The following TAOK3 variants were observed in gnomAD, a reference collection of about 807,000 sequenced individuals.
TAOK3 encodes the protein TAO kinase 3.
In TAOK3, 40 loss-of-function variants were observed where a neutral mutation model predicts 120.4. The observed-to-expected ratio is 0.33, with a 90% confidence interval of 0.26 to 0.43. The LOEUF (loss-of-function observed/expected upper bound fraction) is 0.43. TAOK3 is among the 20% of genes least tolerant of loss of function. The pLI, the probability that TAOK3 is intolerant of heterozygous loss-of-function variation, is 1.00. For missense variants in TAOK3, 821 were observed against 1,112.1 expected (o/e 0.74, Z 3.72); for synonymous variants, 355 against 387.5 (o/e 0.92, Z 0.99).
At chr12:118,208,553 A>G (rs2038455021) in intron 11 of TAOK3, among the ~76,000 whole-genome samples, 1 of 152,208 alleles carries the variant, frequency 6.6e-6, no homozygotes, top group Non-Finnish European at 1.5e-5. Flanking sequence ...AAAAGTTTTC[A>G]CTGATCTGAC....
chr12:118,363,477 G>A (rs957567092), intron 1 of TAOK3, among the ~76,000 whole-genome samples: 2 of 152,086 alleles, frequency 1.3e-5, no homozygotes, highest in Admixed American at 6.6e-5. Context: ...GATAAGATAA[G>A]TACAAATCCT....
At chr12:118,185,103 G>C (rs1464865462) in intron 14 of TAOK3, among the ~76,000 whole-genome samples, 1 of 146,522 alleles carries the variant, frequency 6.8e-6, no homozygotes, top group Admixed American at 6.8e-5. Context: ...GCACATTTAA[G>C]GAAAAAAAAA....
At chr12:118,287,740 C>A (rs1162424833) in intron 1 of TAOK3, among the ~76,000 whole-genome samples, 1 of 152,128 alleles carries the variant, frequency 6.6e-6, no homozygotes, top group African/African-American at 2.4e-5. Context: ...TATTCAGATA[C>A]ACACATACAC....
intron 17 of TAOK3, among the ~76,000 whole-genome samples, chr12:118,170,851 A>G (rs1055556427): frequency 2.0e-5 from 3 of 152,182 alleles, no homozygotes; most frequent in Non-Finnish European, 4.4e-5. Flanking sequence ...CATGTGTTCA[A>G]TACATTTTAG....
At chr12:118,321,346 G>T (rs941744632) in intron 1 of TAOK3, among the ~76,000 whole-genome samples, 9 of 152,000 alleles carry the variant, frequency 5.9e-5, no homozygotes, top group African/African-American at 1.9e-4. Flanking sequence ...CTGCAACCTC[G>T]ACCTGCCAGG....
At chr12:118,315,688 A>G (rs1322598661) in intron 1 of TAOK3, among the ~76,000 whole-genome samples, 1 of 152,058 alleles carries the variant, frequency 6.6e-6, no homozygotes, top group Non-Finnish European at 1.5e-5. Flanking sequence ...TAACATTTTT[A>G]AAAAGAAAAT....
At chr12:118,306,222 T>C (rs2043048280) in intron 1 of TAOK3, among the ~76,000 whole-genome samples, 1 of 152,144 alleles carries the variant, frequency 6.6e-6, no homozygotes, top group Admixed American at 6.5e-5. Flanking sequence ...GGTGTATAGA[T>C]TATTTTGTCA....
intron 1 of TAOK3, among the ~76,000 whole-genome samples, chr12:118,305,677 G>A (rs541305168): frequency 5.3e-5 from 8 of 152,214 alleles, no homozygotes; most frequent in African/African-American, 1.9e-4. Flanking sequence ...GGCAGAGGTG[G>A]GCAGATCACT....
At chr12:118,170,320 C>A (rs74573814) in intron 17 of TAOK3, among the ~76,000 whole-genome samples, 4,606 of 152,242 alleles carry the variant, frequency 0.03, 95 homozygotes, top group Non-Finnish European at 0.041. Flanking sequence ...AGACCTAGGT[C>A]ACCGCACCCC....
chr12:118,185,129 C>A (rs542564450), intron 14 of TAOK3, among the ~76,000 whole-genome samples: 1 of 151,824 alleles, frequency 6.6e-6, no homozygotes, highest in African/African-American at 2.4e-5. Context: ...TAGCTGTATC[C>A]AGGTTGTGGA....
chr12:118,265,980 A>G (rs1349751240), intron 2 of TAOK3, among the ~76,000 whole-genome samples: 1 of 152,168 alleles, frequency 6.6e-6, no homozygotes, highest in East Asian at 1.9e-4. Flanking sequence ...TTAGAAGAAA[A>G]GTGATACGAA....
At chr12:118,258,393 A>C (rs2041082486) in intron 2 of TAOK3, among the ~76,000 whole-genome samples, 1 of 152,156 alleles carries the variant, frequency 6.6e-6, no homozygotes, top group Non-Finnish European at 1.5e-5. Flanking sequence ...CTATTTGTCA[A>C]TCAGGTAAAT....
At chr12:118,218,025 A>G (rs2039023695) in intron 9 of TAOK3, among the ~76,000 whole-genome samples, 1 of 149,934 alleles carries the variant, frequency 6.7e-6, no homozygotes, top group Non-Finnish European at 1.5e-5. Context: ...ACGCCTCGCT[A>G]ATTTTTTTGT....
At chr12:118,152,875 C>G (rs1050145663) in intron 19 of TAOK3, 1 of 153,570 alleles carries the variant, frequency 6.5e-6, no homozygotes, top group Non-Finnish European at 1.4e-5. Context: ...CAATGCATTA[C>G]AAGTTTTCAA....
chr12:118,159,024 G>A, intron 19 of TAOK3, among the ~76,000 whole-genome samples: 1 of 152,160 alleles, frequency 6.6e-6, no homozygotes, highest in Non-Finnish European at 1.5e-5. Context: ...AAGCTTCACC[G>A]AATTACCAGG....
In TAOK3 at chr12:118,372,061, T is replaced by C. The variant is rs1302931798; in HGVS notation, c.-194+587A>G. Among the ~76,000 whole-genome samples, 1 of 151,876 alleles carries C rather than the reference T, an allele frequency of 6.6e-6. No homozygotes were observed. Among genetic ancestry groups the C allele is most frequent in the Non-Finnish European group, 1.5e-5 (1 of 67,906 alleles). Reference sequence around the variant, plus strand: ...CCCTTCCTGGGGTCTTCTCACACTCTGTTCTAAGCCCTCTGGGGATCCCCT... The same window carrying C: ...CCCTTCCTGGGGTCTTCTCACACTCCGTTCTAAGCCCTCTGGGGATCCCCT... On this transcript the variant is annotated intron_variant, in intron 1 of 20. Coordinates refer to ENST00000392533, the MANE Select transcript of TAOK3 (RefSeq NM_016281.4). The surrounding 1 kb of genome is among the most constrained non-coding windows in gnomAD (Gnocchi z 4.6).
At chr12:118,270,647 C>T (rs1192396136) in intron 1 of TAOK3, among the ~76,000 whole-genome samples, 3 of 147,050 alleles carry the variant, frequency 2.0e-5, no homozygotes, top group Non-Finnish European at 3.0e-5. Flanking sequence ...CTCAGCTATT[C>T]TTACAGTCCA....
chr12:118,302,886 A>G (rs2042927863), intron 1 of TAOK3, among the ~76,000 whole-genome samples: 1 of 152,172 alleles, frequency 6.6e-6, no homozygotes, highest in South Asian at 2.1e-4. Context: ...CATTTTGTAA[A>G]CTTCATAAAT....
At chr12:118,246,629 C>G (rs975435078) in intron 3 of TAOK3, 19 of 1,573,630 alleles carry the variant, frequency 1.2e-5, no homozygotes, top group Non-Finnish European at 1.6e-5. Flanking sequence ...CTGTCCCTTG[C>G]AAGGTGACAG....
Sources: allele counts gnomAD v4.1 joint callset (sites outside exome capture counted in the v4.1 genomes callset), GRCh38; gene constraint gnomAD v4.1.1; non-coding constraint Gnocchi (gnomAD v3.1); transcripts MANE v1.5; gene names NCBI Gene and HGNC (gene_info 2026-07-23, HGNC 2026-07-21).